Variants in RANBP17 observed in about 807,000 individuals in gnomAD.
RANBP17 encodes the protein RAN binding protein 17, also known as ran-binding protein 17.
In RANBP17, 158 loss-of-function variants were observed where a neutral mutation model predicts 141.2. The ratio of observed to expected loss-of-function variants is 1.12; its 90% CI spans 0.98 to 1.28. RANBP17 has a LOEUF of 1.28. Ranked by LOEUF, RANBP17 falls within the 50% of genes most tolerant of loss-of-function variation. The pLI, the probability that RANBP17 is intolerant of heterozygous loss-of-function variation, is 0.00. For synonymous variants in RANBP17, 430 were observed against 450.0 expected (o/e 0.96, Z 0.56); for missense variants, 1,438 against 1,290.7 (o/e 1.11, Z -1.75).
intron 5 of RANBP17, among the ~76,000 whole-genome samples, chr5:170,908,998 A>G (rs1275880531): frequency 6.6e-6 from 1 of 151,888 alleles, no homozygotes; most frequent in Non-Finnish European, 1.5e-5. Context: ...GCCTGTTCCT[A>G]TTGATAAATG....
intron 14 of RANBP17, among the ~76,000 whole-genome samples, chr5:171,100,711 T>G (rs1015510327): frequency 6.6e-6 from 1 of 152,246 alleles, no homozygotes; most frequent in Non-Finnish European, 1.5e-5. Context: ...ATTTTAGATC[T>G]TTCTAGGTTT....
At chr5:171,122,299 A>G (rs575324537) in intron 14 of RANBP17, among the ~76,000 whole-genome samples, 5 of 152,244 alleles carry the variant, frequency 3.3e-5, no homozygotes, top group African/African-American at 9.6e-5. Context: ...TTTGGAGTCA[A>G]CGAGCATCAG....
intron 5 of RANBP17, among the ~76,000 whole-genome samples, chr5:170,907,760 A>G (rs569328834): frequency 6.6e-6 from 1 of 152,040 alleles, no homozygotes; most frequent in African/African-American, 2.4e-5. Context: ...TTGCAATTAT[A>G]ATGCTGTTTG....
intron 14 of RANBP17, among the ~76,000 whole-genome samples, chr5:171,064,811 A>G (rs1784200634): frequency 1.3e-5 from 2 of 152,032 alleles, no homozygotes; most frequent in Non-Finnish European, 1.5e-5. Flanking sequence ...ATGAGTGACC[A>G]TGCCCAGCCT....
intron 16 of RANBP17, among the ~76,000 whole-genome samples, chr5:171,173,462 T>G (rs1178917369): frequency 6.6e-6 from 1 of 151,988 alleles, no homozygotes; most frequent in Non-Finnish European, 1.5e-5. Flanking sequence ...CACTATGAAG[T>G]TTTTTAATGT....
intron 14 of RANBP17, among the ~76,000 whole-genome samples, chr5:170,993,348 C>G (rs1485549444): frequency 2.6e-5 from 4 of 152,052 alleles, no homozygotes; most frequent in Non-Finnish European, 5.9e-5. Flanking sequence ...TAACTATTCC[C>G]TGTTCCTGGC....
rs765768449 is a variant in RANBP17, at chr5:171,265,789, C to G, written c.2885C>G (p.Thr962Ser). The change falls in exon 25 of 28, where the codon ACC becomes AGC. Residue 962 changes from threonine (T) to serine (S), a missense_variant. Physicochemically the swap from Thr to Ser is moderately conservative, Grantham distance 58. Transcript: ENST00000523189. ...AAGCCACTTCGATGCAGAGAGGCTA[C>G]CCAGGCTGGTCAGAGACTATTACAT... ...GKKPLRCREA[T>S]QAGQRLLHFM... 1 of 1,613,920 alleles carries G rather than the reference C, an allele frequency of 6.2e-7. No homozygotes were observed.
intron 14 of RANBP17, among the ~76,000 whole-genome samples, chr5:171,051,594 T>C (rs899711627): frequency 2.6e-5 from 4 of 152,224 alleles, no homozygotes; most frequent in Non-Finnish European, 5.9e-5. Flanking sequence ...TACTATTTAA[T>C]ATTTCACTTT....
intron 12 of RANBP17, among the ~76,000 whole-genome samples, chr5:170,944,972 T>A (rs1278764577): frequency 6.6e-6 from 1 of 152,240 alleles, no homozygotes; most frequent in Non-Finnish European, 1.5e-5. Context: ...TTCCTCTATC[T>A]TATCTGTCTC....
chr5:171,097,287 A>T (rs1219932964), intron 14 of RANBP17, among the ~76,000 whole-genome samples: 1 of 152,146 alleles, frequency 6.6e-6, no homozygotes, highest in African/African-American at 2.4e-5. Context: ...GAGAAAACAC[A>T]GGAGAAGTTG....
intron 14 of RANBP17, among the ~76,000 whole-genome samples, chr5:171,165,031 G>A (rs1364009784): frequency 6.6e-6 from 1 of 152,132 alleles, no homozygotes; most frequent in African/African-American, 2.4e-5. Flanking sequence ...TCTTCAAAAG[G>A]TGTTACCTGA....
intron 16 of RANBP17, among the ~76,000 whole-genome samples, chr5:171,175,921 T>G (rs1760450208): frequency 6.6e-6 from 1 of 152,052 alleles, no homozygotes; most frequent in Admixed American, 6.6e-5. Context: ...AAAAGAAGAA[T>G]GTGGAGTTAC....
chr5:171,270,196 C>T (rs1283778038), intron 25 of RANBP17, among the ~76,000 whole-genome samples: 2 of 152,140 alleles, frequency 1.3e-5, no homozygotes, highest in Admixed American at 1.3e-4. Flanking sequence ...TTATTCTCTT[C>T]TATGTGGCTT....
intron 24 of RANBP17, among the ~76,000 whole-genome samples, chr5:171,251,193 A>C (rs1035376840): frequency 1.3e-5 from 2 of 152,114 alleles, no homozygotes; most frequent in African/African-American, 4.8e-5. Context: ...AGCTCAAGCA[A>C]TTCTCCTGCC....
intron 14 of RANBP17, among the ~76,000 whole-genome samples, chr5:170,977,184 G>A (rs1414465988): frequency 6.6e-6 from 1 of 151,866 alleles, no homozygotes; most frequent in African/African-American, 2.4e-5. Context: ...ATGGGCAAAA[G>A]ATCTAAACAG....
intron 25 of RANBP17, among the ~76,000 whole-genome samples, chr5:171,285,145 A>G (rs1235107503): frequency 6.6e-6 from 1 of 152,150 alleles, no homozygotes; most frequent in Non-Finnish European, 1.5e-5. Context: ...TCCTCTTCCA[A>G]ATATATACTT....
chr5:171,027,496 T>C lies in RANBP17; in HGVS notation c.1710+59119T>C, dbSNP rs931438802. Among the ~76,000 whole-genome samples the C allele has an allele frequency of 3.3e-5, 5 of 152,208 alleles. No individual in the cohort carries two copies. In the South Asian group the frequency reaches 6.2e-4, roughly 19 times the overall value. ...ATAGTATTGTAGCTTTTTTCTGAAA[T>C]TTTTTGTTTTGCAACGTGCCTTCAT... On this transcript the variant is annotated intron_variant, in intron 14 of 27. Transcript: ENST00000523189.
chr5:170,977,969 G>C (rs1239267365), intron 14 of RANBP17, among the ~76,000 whole-genome samples: 1 of 152,046 alleles, frequency 6.6e-6, no homozygotes, highest in Admixed American at 6.5e-5. Context: ...CACGTTAAGT[G>C]TGTGAATTAT....
intron 14 of RANBP17, among the ~76,000 whole-genome samples, chr5:171,000,165 C>G (rs953598585): frequency 6.6e-6 from 1 of 152,066 alleles, no homozygotes; most frequent in Admixed American, 6.5e-5. Flanking sequence ...GGGTTGCTTC[C>G]ATGTTTTAGC....
Sources: allele counts gnomAD v4.1 joint callset (sites outside exome capture counted in the v4.1 genomes callset), GRCh38; gene constraint gnomAD v4.1.1; transcripts MANE v1.5; gene names NCBI Gene and HGNC (gene_info 2026-07-23, HGNC 2026-07-21).